The following KBTBD11 variants were observed in gnomAD, a reference collection of about 807,000 sequenced individuals.
The protein encoded by KBTBD11 is kelch repeat and BTB domain-containing protein 11.
For synonymous variants in KBTBD11, 747 were observed against 499.0 expected (o/e 1.50, Z -6.63); for missense variants, 1,390 against 1,001.8 (o/e 1.39, Z -5.23).
rs1416315086 is a variant in KBTBD11 at position 2,006,067 on chromosome 8, T to A, written c.*3003T>A. The A allele has an allele frequency of 6.0e-6, 1 of 167,116 alleles. No homozygotes were observed. Among genetic ancestry groups the A allele is most frequent in the Non-Finnish European group, 1.5e-5 (1 of 68,132 alleles). The allele number at this position is 167,116 out of a possible 1,614,324, so 10.4% of individuals were successfully genotyped here. A position where few individuals can be genotyped will look rare whatever the true frequency, so the allele number is the denominator to read the frequency against. The stretch of plus-strand genomic sequence containing the variant: ...TTTCTGAGTCTGTGGAGGCACCGAC[T>A]TCTGCTGTAAGAAAATGAATGTTGT... On this transcript the variant is annotated 3_prime_UTR_variant, in exon 2 of 2. Transcript: ENST00000320248.
At chr8:1,985,483 C>T (rs1312846612) in intron 1 of KBTBD11, among the ~76,000 whole-genome samples, 1 of 152,268 alleles carries the variant, frequency 6.6e-6, no homozygotes, top group Non-Finnish European at 1.5e-5. Context: ...GCGCCCGGCG[C>T]CCGGCAAGCC....
In KBTBD11 at chr8:2,002,548, C is replaced by T. The variant is rs775910171; in HGVS notation, c.1356C>T (p.Ala452=). 174 of 1,569,790 alleles carry T rather than the reference C, an allele frequency of 1.1e-4. No individual in the cohort carries two copies. Among genetic ancestry groups the T allele is most frequent in the Middle Eastern group, 7.3e-4 (4 of 5,476 alleles). ...PRGAFAVAHE[A]TTCHGEIYVS... is the part of the protein sequence containing the mutation. ...GCGCCTTCGCCGTGGCGCATGAGGC[C>T]ACCACCTGCCACGGCGAGATCTACG... The change falls in exon 2 of 2, where the codon GCC becomes GCT. Residue 452 remains alanine (A), a synonymous_variant. Coordinates refer to ENST00000320248, the MANE Select transcript of KBTBD11 (RefSeq NM_014867.3). This position sits in a 1 kb window ranked among gnomAD's most constrained non-coding sequence, Gnocchi z 4.1.
In KBTBD11 at chr8:2,000,954, G is replaced by T. The variant is rs1817319254; in HGVS notation, c.-239G>T. ...AAAGTGGCTGGGGTTCAGAAGTTCA[G>T]CAAGTCGGACACACCCCTCCTCGCT... is the stretch of plus-strand genomic sequence containing the variant. On this transcript the variant is annotated 5_prime_UTR_variant, in exon 2 of 2. Transcript: ENST00000320248. 2.3e-6 allele frequency: 1 copy of T among 429,226 alleles called. No individual in the cohort carries two copies. Among genetic ancestry groups the T allele is most frequent in the East Asian group, 3.6e-5 (1 of 27,904 alleles). 26.6% of individuals were successfully genotyped at this position (429,226 alleles called of 1,614,324 possible).
At chr8:1,996,427 C>T (rs1045630735) in intron 1 of KBTBD11, among the ~76,000 whole-genome samples, 19 of 152,184 alleles carry the variant, frequency 1.2e-4, no homozygotes, top group African/African-American at 2.9e-4. Flanking sequence ...CCACCAAGCC[C>T]GGCTGATTTT....
Position 2,001,483 on chromosome 8 carries a change from C to T in KBTBD11, c.291C>T (p.Arg97=), listed in dbSNP as rs1484528500. The change falls in exon 2 of 2, where the codon CGC becomes CGT. Residue 97 remains arginine (R), a synonymous_variant. Transcript: ENST00000320248. ...SPEELASPEE[R]ACPEEPAAPS... ...AGGAGCTCGCGTCCCCTGAGGAGCG[C>T]GCGTGCCCGGAAGAGCCCGCGGCGC... 5 of 1,380,832 alleles carry T rather than the reference C, an allele frequency of 3.6e-6. No homozygotes were observed. Among genetic ancestry groups the T allele is most frequent in the African/African-American group, 1.5e-5 (1 of 65,558 alleles). The allele number at this position is 1,380,832 out of a possible 1,614,324, so 85.5% of individuals were successfully genotyped here. A position where few individuals can be genotyped will look rare whatever the true frequency, so the allele number is the denominator to read the frequency against.
chr8:1,992,883 G>A (rs1316208623), intron 1 of KBTBD11, among the ~76,000 whole-genome samples: 2 of 151,476 alleles, frequency 1.3e-5, no homozygotes, highest in East Asian at 3.9e-4. Context: ...GCTGTCATGT[G>A]GATAATATCT....
chr8:2,003,268 C>G lies in KBTBD11; in HGVS notation c.*204C>G, dbSNP rs751291321. The G allele has an allele frequency of 6.4e-6, 5 of 778,710 alleles. No homozygotes were observed. The highest frequency in any genetic ancestry group is 7.1e-6 in the Non-Finnish European group (4 of 564,760). 48.2% of individuals were successfully genotyped at this position (778,710 alleles called of 1,614,324 possible). A position where few individuals can be genotyped will look rare whatever the true frequency, so the allele number is the denominator to read the frequency against. ...TGTCTTTGCTTCTGGGGGTGGATGC[C>G]TTGAGACCCAGGAGGTGTGCGGATG... On this transcript the variant is annotated 3_prime_UTR_variant, in exon 2 of 2. Coordinates refer to ENST00000320248, the MANE Select transcript of KBTBD11 (RefSeq NM_014867.3).
At chr8:1,974,000 G>A (rs1816217017) in intron 1 of KBTBD11, 65 bp downstream of exon 1, 3 of 980,722 alleles carry the variant, frequency 3.1e-6, no homozygotes, top group Non-Finnish European at 3.6e-6. Context: ...AGCCCGAGGC[G>A]CGGGTCGGAG....
At chr8:1,996,448 A>G (rs1350128762) in intron 1 of KBTBD11, among the ~76,000 whole-genome samples, 1 of 152,004 alleles carries the variant, frequency 6.6e-6, no homozygotes, top group Non-Finnish European at 1.5e-5. Context: ...GTATTTTTTT[A>G]GTAGAGATGG....
chr8:2,002,014 C>T lies in KBTBD11; in HGVS notation c.822C>T (p.Gly274=), dbSNP rs1280515496. The change falls in exon 2 of 2, where the codon GGC becomes GGT. Residue 274 remains glycine, a synonymous_variant. Coordinates refer to ENST00000320248, the MANE Select transcript of KBTBD11 (RefSeq NM_014867.3). The surrounding 1 kb of genome is among the most constrained non-coding windows in gnomAD (Gnocchi z 4.1). ...TGCTGCGCGAGCCCGCCGTGTTCGG[C>T]CGCCTGTCGGGCGCAGAGCGGGACC... ...LEVLREPAVF[G]RLSGAERDLL... is the part of the protein sequence containing the mutation. 7.1e-7 allele frequency: 1 copy of T among 1,413,388 alleles called. No homozygotes were observed. Among genetic ancestry groups the T allele is most frequent in the Non-Finnish European group, 9.3e-7 (1 of 1,073,570 alleles). 87.6% of individuals were successfully genotyped at this position (1,413,388 alleles called of 1,614,324 possible).
chr8:2,002,493 G>T lies in KBTBD11; in HGVS notation c.1301G>T (p.Arg434Leu). 3 of 1,509,076 alleles carry T rather than the reference G, an allele frequency of 2.0e-6. No homozygotes were observed. The highest frequency in any genetic ancestry group is 1.2e-5 in the South Asian group (1 of 81,116). The allele number at this position is 1,509,076 out of a possible 1,614,324, so 93.5% of individuals were successfully genotyped here. Reference sequence around the variant, plus strand: ...GAGCGCTACGACCCGCGCGCCGACCGCTGGGCCCCCGTGGCGCCGCTGCCC... The same window carrying T: ...GAGCGCTACGACCCGCGCGCCGACCTCTGGGCCCCCGTGGCGCCGCTGCCC... ...SVERYDPRAD[R>L]WAPVAPLPRG... is the part of the protein sequence containing the mutation. The change falls in exon 2 of 2, where the codon CGC becomes CTC. Residue 434 changes from arginine to leucine, a missense_variant. By Grantham distance (102) the Arg-to-Leu change is moderately radical (BLOSUM62 -2). Coordinates refer to ENST00000320248, the MANE Select transcript of KBTBD11 (RefSeq NM_014867.3). This position sits in a 1 kb window ranked among gnomAD's most constrained non-coding sequence, Gnocchi z 4.1.
At position 2,002,193 on chromosome 8, in the gene KBTBD11, C is replaced by T. The variant is rs1240608450; in HGVS notation, c.1001C>T (p.Ala334Val). Residue 334 changes from alanine (A) to valine (V), a missense_variant, in exon 2 of 2, where the codon GCC (alanine) becomes GTC (valine). By Grantham distance (64) the Ala-to-Val change is moderately conservative. Transcript: ENST00000320248. This position sits in a 1 kb window ranked among gnomAD's most constrained non-coding sequence, Gnocchi z 4.1. ...GCCGTCTACTGCTTCCACGCGGCGGCCGGAGAGTGGCGCGAGCTGACGCGG... is the reference window on the plus strand; with the variant it reads ...GCCGTCTACTGCTTCCACGCGGCGGTCGGAGAGTGGCGCGAGCTGACGCGG... ...DAAVYCFHAAAGEWRELTRLP... is the reference protein window; with the variant it reads ...DAAVYCFHAAVGEWRELTRLP... 1 of 1,253,726 alleles carries T rather than the reference C, an allele frequency of 8.0e-7. No individual in the cohort carries two copies. Among genetic ancestry groups the T allele is most frequent in the Non-Finnish European group, 1.0e-6 (1 of 1,002,008 alleles). 77.7% of individuals were successfully genotyped at this position (1,253,726 alleles called of 1,614,324 possible).
At chr8:1,993,654 A>G (rs1222998525) in intron 1 of KBTBD11, among the ~76,000 whole-genome samples, 1 of 151,432 alleles carries the variant, frequency 6.6e-6, no homozygotes, top group Non-Finnish European at 1.5e-5. Context: ...CCTTTCTGTG[A>G]ATTTTATGTT....
chr8:1,976,299 C>A (rs986064352), intron 1 of KBTBD11: 1 of 145,400 alleles, frequency 6.9e-6, no homozygotes, highest in Non-Finnish European at 1.5e-5. Context: ...TTTTTTTTTC[C>A]TCTTGAAATC....
At chr8:1,977,520 T>A (rs530186491) in intron 1 of KBTBD11, among the ~76,000 whole-genome samples, 19 of 151,976 alleles carry the variant, frequency 1.3e-4, no homozygotes, top group African/African-American at 4.1e-4. Context: ...AACAATGATT[T>A]TTATTATTAT....
intron 1 of KBTBD11, among the ~76,000 whole-genome samples, chr8:1,997,939 A>C (rs1367928130): frequency 6.6e-6 from 1 of 152,168 alleles, no homozygotes; most frequent in Non-Finnish European, 1.5e-5. Flanking sequence ...CAATTTAATA[A>C]TGTGTGTGTG....
At chr8:1,991,453 T>G (rs1030284777) in intron 1 of KBTBD11, among the ~76,000 whole-genome samples, 2 of 152,242 alleles carry the variant, frequency 1.3e-5, no homozygotes, top group African/African-American at 2.4e-5. Flanking sequence ...GGTCTCACTC[T>G]CCTGTCCTCT....
At chr8:1,984,110 G>T (rs940354647) in intron 1 of KBTBD11, among the ~76,000 whole-genome samples, 1 of 151,890 alleles carries the variant, frequency 6.6e-6, no homozygotes, top group East Asian at 1.9e-4. Context: ...CAACAAGAGC[G>T]ACCGTCTGAA....
chr8:1,987,400 A>G (rs752161274), intron 1 of KBTBD11, among the ~76,000 whole-genome samples: 4 of 152,132 alleles, frequency 2.6e-5, no homozygotes, highest in Non-Finnish European at 4.4e-5. Flanking sequence ...CCTTTTTTGT[A>G]GAAAAGGACA....
Sources: allele counts gnomAD v4.1 joint callset (sites outside exome capture counted in the v4.1 genomes callset), GRCh38; gene constraint gnomAD v4.1.1; non-coding constraint Gnocchi (gnomAD v3.1); transcripts MANE v1.5; gene names NCBI Gene and HGNC (gene_info 2026-07-23, HGNC 2026-07-21).